Variants in PKHD1 observed in about 807,000 individuals in gnomAD.
PKHD1 encodes the protein fibrocystin.
A neutral mutation model predicts 412.0 loss-of-function variants in PKHD1; 291 were observed. That is an observed-to-expected ratio of 0.71 (90% CI 0.64 to 0.78). PKHD1 has a LOEUF of 0.78. Among genes scored for constraint, PKHD1 ranks in the 30% least tolerant of loss-of-function variants. The pLI, the probability that PKHD1 is intolerant of heterozygous loss-of-function variation, is 0.00. For missense variants in PKHD1, 4,825 were observed against 4,950.7 expected (o/e 0.97, Z 0.76); for synonymous variants, 1,777 against 1,821.5 (o/e 0.98, Z 0.62).
intron 35 of PKHD1, among the ~76,000 whole-genome samples, chr6:51,996,353 A>G (rs890729667): frequency 6.6e-6 from 1 of 152,076 alleles, no homozygotes; most frequent in African/African-American, 2.4e-5. Flanking sequence ...GAGATGAATT[A>G]TGAGAAACCG....
In PKHD1 at chr6:52,025,363, C is replaced by T. The variant is rs146745096; in HGVS notation, c.4447G>A (p.Glu1483Lys). 3.2e-5 allele frequency: 52 copies of T among 1,613,626 alleles called. 1 individual carries two copies. The African/African-American group carries it at 5.7e-4, about 18-fold the overall frequency. ...QGNCTLFIRE[E>K]ASPVMDALST... ...AAGGCATCCATGACAGGACTTGCCT[C>T]TTCCCTTATGAAAAGAGTGCAATTC... Residue 1483 changes from glutamate (E) to lysine (K), a missense_variant, in exon 32 of 67, where the codon GAG becomes AAG. Physicochemically the swap from Glu to Lys is moderately conservative, Grantham distance 56. Coordinates refer to ENST00000371117, the MANE Select transcript of PKHD1 (RefSeq NM_138694.4).
At chr6:51,661,884 G>C (rs1482649407) in intron 60 of PKHD1, among the ~76,000 whole-genome samples, 4 of 151,834 alleles carry the variant, frequency 2.6e-5, no homozygotes, top group Non-Finnish European at 5.9e-5. Context: ...GGAAATACTA[G>C]ATTTGCATAT....
At position 51,810,170 on chromosome 6, in the gene PKHD1, C is replaced by T. The variant is rs544721154; in HGVS notation, c.8303-18797G>A. The stretch of plus-strand genomic sequence containing the variant: ...TTAACAGATAGAAATTTATCAAATG[C>T]TTTTAAAAAAATTGATTTGGGGTCT... On this transcript the variant is annotated intron_variant, in intron 52 of 66. Transcript: ENST00000371117. Among the ~76,000 whole-genome samples, 25 of 152,106 alleles carry T rather than the reference C, an allele frequency of 1.6e-4. No homozygotes were observed. The East Asian group carries it at 4.8e-3, about 29-fold the overall frequency.
intron 49 of PKHD1, among the ~76,000 whole-genome samples, chr6:51,853,243 C>G (rs1221294924): frequency 6.6e-6 from 1 of 152,190 alleles, no homozygotes; most frequent in Non-Finnish European, 1.5e-5. Flanking sequence ...CTTCCAATCT[C>G]CACTGGCTTA....
chr6:51,772,930 A>C (rs1790399581), intron 54 of PKHD1, 141 bp from the exon 55 acceptor site: 1 of 662,196 alleles, frequency 1.5e-6, no homozygotes, highest in East Asian at 2.7e-5. Context: ...TATCAAAAGC[A>C]TTATTTAAAT....
At chr6:52,079,027 A>T (rs1482287320) in intron 5 of PKHD1, among the ~76,000 whole-genome samples, 1 of 152,200 alleles carries the variant, frequency 6.6e-6, no homozygotes, top group Non-Finnish European at 1.5e-5. Context: ...CCTTATTCCG[A>T]AGGAGCATTC....
chr6:51,897,825 C>T (rs1192800903), intron 43 of PKHD1, among the ~76,000 whole-genome samples: 1 of 146,376 alleles, frequency 6.8e-6, no homozygotes, highest in Non-Finnish European at 1.5e-5. Flanking sequence ...GAAGATCTAC[C>T]AAGCAAATGG....
chr6:51,701,140 TA>T (rs1424141127), intron 60 of PKHD1, among the ~76,000 whole-genome samples: 2 of 152,162 alleles, frequency 1.3e-5, no homozygotes, highest in Non-Finnish European at 2.9e-5. Flanking sequence ...AAATTTTGAA[TA>T]ACTAAAACAT....
Position 51,616,804 on chromosome 6 carries a change from G to C in PKHD1, c.*2277C>G, listed in dbSNP as rs1581696381. 2.5e-6 allele frequency: 1 copy of C among 397,110 alleles called. No homozygotes were observed. Among genetic ancestry groups the C allele is most frequent in the Non-Finnish European group, 4.4e-6 (1 of 225,092 alleles). The allele number at this position is 397,110 out of a possible 1,614,324, so 24.6% of individuals were successfully genotyped here. On this transcript the variant is annotated 3_prime_UTR_variant, in exon 67 of 67. Coordinates refer to ENST00000371117, the MANE Select transcript of PKHD1 (RefSeq NM_138694.4). ...CTTGTGACACATAGAGGATAAATAAGAAGATAATAAAAATTGGAAGAAGGG... is the reference window on the plus strand; with the variant it reads ...CTTGTGACACATAGAGGATAAATAACAAGATAATAAAAATTGGAAGAAGGG...
intron 52 of PKHD1, among the ~76,000 whole-genome samples, chr6:51,816,237 A>T (rs560476290): frequency 5.0e-4 from 76 of 152,292 alleles, no homozygotes; most frequent in South Asian, 1.2e-3. Flanking sequence ...AGGAAAAATA[A>T]AGGTTTTGAC....
At chr6:51,649,056 A>C (rs1468506507) in intron 62 of PKHD1, 29 bp downstream of exon 62, 12 of 1,606,648 alleles carry the variant, frequency 7.5e-6, no homozygotes, top group Non-Finnish European at 1.0e-5. Context: ...TTAGCTCTAA[A>C]GACAGATTTG....
rs1025251748 is a variant in PKHD1 at position 51,847,843 on chromosome 6, G to A, written c.8039C>T (p.Pro2680Leu). Reference sequence around the variant, plus strand: ...ACAGCCTTGGTTCTGACCTGGTGATGGAAGAAATGGAAAAGACAGACCCAC... The same window carrying A: ...ACAGCCTTGGTTCTGACCTGGTGATAGAAGAAATGGAAAAGACAGACCCAC... ...SRVGLSFPFL[P>L]SPGQNQGCDW... The change falls in exon 50 of 67, where the codon CCA becomes CTA. Residue 2680 changes from proline (P) to leucine (L), a missense_variant. Physicochemically the swap from Pro to Leu is moderately conservative, Grantham distance 98 (BLOSUM62 -3). Coordinates refer to ENST00000371117, the MANE Select transcript of PKHD1 (RefSeq NM_138694.4). The A allele has an allele frequency of 6.2e-7, 1 of 1,614,022 alleles. No individual in the cohort carries two copies. Among genetic ancestry groups the A allele is most frequent in the Non-Finnish European group, 8.5e-7 (1 of 1,179,902 alleles).
At chr6:51,663,005 T>C (rs1773116106) in intron 60 of PKHD1, among the ~76,000 whole-genome samples, 1 of 152,086 alleles carries the variant, frequency 6.6e-6, no homozygotes, top group Non-Finnish European at 1.5e-5. Context: ...GATTATATCA[T>C]AGGCTAACTC....
intron 35 of PKHD1, among the ~76,000 whole-genome samples, chr6:51,996,999 A>T (rs752945921): frequency 6.6e-6 from 1 of 152,214 alleles, no homozygotes; most frequent in Non-Finnish European, 1.5e-5. Context: ...CAATCAACAA[A>T]GCCCATTACC....
rs1179153344 is a variant in PKHD1 at position 52,060,058 on chromosome 6, T to C, written c.1119-16A>G. On this transcript the variant is annotated splice_polypyrimidine_tract_variant and intron_variant, in intron 14 of 66. Transcript: ENST00000371117. ...GAGCCGTGCTCTGTAAAGTAGAACA[T>C]AGAGTCAAGCAAGAGTAACCAAGGC... 9.7e-6 allele frequency: 14 copies of C among 1,444,144 alleles called. No individual in the cohort carries two copies. The highest frequency in any genetic ancestry group is 1.4e-5 in the African/African-American group (1 of 71,936). The allele number at this position is 1,444,144 out of a possible 1,614,324, so 89.5% of individuals were successfully genotyped here.
chr6:51,906,649 T>C (rs1270056204), intron 40 of PKHD1, among the ~76,000 whole-genome samples: 1 of 152,168 alleles, frequency 6.6e-6, no homozygotes, highest in East Asian at 1.9e-4. Context: ...TCATCTTTAG[T>C]ATCAGCTTTC....
intron 63 of PKHD1, among the ~76,000 whole-genome samples, chr6:51,643,376 C>T (rs1769630759): frequency 6.9e-6 from 1 of 145,064 alleles, no homozygotes; most frequent in South Asian, 2.2e-4. Flanking sequence ...TCTAACTGAA[C>T]TGCCCACATT....
Position 52,043,012 on chromosome 6 carries a change from C to CT in PKHD1, c.2943dup (p.Val982SerfsTer39). 1.2e-6 allele frequency: 2 copies of CT among 1,614,078 alleles called. No homozygotes were observed. The highest frequency in any genetic ancestry group is 2.2e-5 in the South Asian group (2 of 91,082). On this transcript the variant is annotated frameshift_variant, in exon 27 of 67. Transcript: ENST00000371117. LOFTEE classifies it high-confidence loss of function. ...ACAGGTAGCAAATCTGTCTGACAGA[C>CT]TACATTGGTCTGGTTTGAGAAAATA...
intron 49 of PKHD1, among the ~76,000 whole-genome samples, chr6:51,855,055 G>A (rs774851524): frequency 1.3e-5 from 2 of 152,192 alleles, no homozygotes; most frequent in African/African-American, 4.8e-5. Context: ...GTGTGGGTTC[G>A]CGAGTGGGAT....
Sources: allele counts gnomAD v4.1 joint callset (sites outside exome capture counted in the v4.1 genomes callset), GRCh38; gene constraint gnomAD v4.1.1; transcripts MANE v1.5; gene names NCBI Gene and HGNC (gene_info 2026-07-23, HGNC 2026-07-21).